The following ELMO1 variants were observed in gnomAD, a reference collection of about 807,000 sequenced individuals.
The protein encoded by ELMO1 is engulfment and cell motility 1.
ELMO1 carries 26 observed loss-of-function variants against 98.9 expected under a neutral mutation model. The observed-to-expected ratio is 0.26, with a 90% CI of 0.19 to 0.36. The LOEUF is 0.36. Among genes scored for constraint, ELMO1 ranks in the 10% least tolerant of loss-of-function variants. ELMO1 has a pLI of 1.00. For synonymous variants in ELMO1, 346 were observed against 346.0 expected, an observed-to-expected ratio of 1.00 and a Z score of 0.00; for missense variants, 627 against 935.2, an observed-to-expected ratio of 0.67 and a Z score of 4.30.
At chr7:36,996,266 T>G (rs1792202466) in intron 16 of ELMO1, among the ~76,000 whole-genome samples, 1 of 152,194 alleles carries the variant, frequency 6.6e-6, no homozygotes, top group South Asian at 2.1e-4. Flanking sequence ...ACTGAGTCCA[T>G]AAGACTGTTT....
chr7:37,153,241 T>G (rs1286706867), intron 13 of ELMO1, among the ~76,000 whole-genome samples: 1 of 152,182 alleles, frequency 6.6e-6, no homozygotes, highest in East Asian at 1.9e-4. Context: ...GGGTGATTTC[T>G]ACATTTCCAA....
intron 14 of ELMO1, among the ~76,000 whole-genome samples, chr7:37,122,663 T>C (rs1229244278): frequency 2.0e-5 from 3 of 152,160 alleles, no homozygotes; most frequent in East Asian, 1.9e-4. Flanking sequence ...CAAAGAGACT[T>C]AGACTCCCAC....
chr7:37,247,895 A>ATGTGTGTGTGTG lies in ELMO1; in HGVS notation c.414-3516_414-3505dup, dbSNP rs58502667. Among the ~76,000 whole-genome samples the ATGTGTGTGTGTG allele has an allele frequency of 7.1e-3, 1,039 of 146,626 alleles. 11 individuals are homozygous for ATGTGTGTGTGTG. Among genetic ancestry groups the ATGTGTGTGTGTG allele is most frequent in the East Asian group, 0.027 (133 of 4,876 alleles). Reference sequence around the variant, plus strand: ...AAGTTTAAAATGGTTTTGAAATAAAATGTGTGTGTGTGTGTGTGTGTGTGT... The same window carrying ATGTGTGTGTGTG: ...AAGTTTAAAATGGTTTTGAAATAAAATGTGTGTGTGTGTGTGTGTGTGTGTGTGTGTGTGTGT... On this transcript the variant is annotated intron_variant, in intron 6 of 21. Transcript: ENST00000310758.
chr7:37,403,803 C>A (rs1803632870), intron 1 of ELMO1, among the ~76,000 whole-genome samples: 1 of 152,172 alleles, frequency 6.6e-6, no homozygotes, highest in African/African-American at 2.4e-5. Flanking sequence ...ACCTCAGCCT[C>A]CCAAAGTGCT....
intron 13 of ELMO1, among the ~76,000 whole-genome samples, chr7:37,161,163 C>T (rs1789176957): frequency 6.6e-6 from 1 of 152,134 alleles, no homozygotes; most frequent in African/African-American, 2.4e-5. Flanking sequence ...TCAGCATTCT[C>T]CACTACATTC....
At chr7:36,918,560 G>C (rs945726271) in intron 16 of ELMO1, among the ~76,000 whole-genome samples, 5 of 152,138 alleles carry the variant, frequency 3.3e-5, no homozygotes, top group African/African-American at 1.2e-4. Flanking sequence ...CAGTGACAAT[G>C]TGTATCATCA....
chr7:36,929,261 T>C (rs540167079), intron 16 of ELMO1, among the ~76,000 whole-genome samples: 3 of 152,286 alleles, frequency 2.0e-5, no homozygotes, highest in Admixed American at 6.5e-5. Flanking sequence ...TTCATCCACA[T>C]AGAAGTGGGG....
intron 16 of ELMO1, among the ~76,000 whole-genome samples, chr7:36,921,285 C>T (rs1785133865): frequency 6.6e-6 from 1 of 152,226 alleles, no homozygotes; most frequent in South Asian, 2.1e-4. Flanking sequence ...CAAGAGCGGG[C>T]AGGCCCACTG....
intron 14 of ELMO1, among the ~76,000 whole-genome samples, chr7:37,114,130 C>A (rs1785415946): frequency 6.6e-6 from 1 of 152,204 alleles, no homozygotes; most frequent in African/African-American, 2.4e-5. Context: ...CTCTGAGTTA[C>A]TGGAGGTTGT....
intron 15 of ELMO1, among the ~76,000 whole-genome samples, chr7:37,089,887 C>CTAATGGG (rs1383566530): frequency 6.6e-6 from 1 of 152,200 alleles, no homozygotes; most frequent in Non-Finnish European, 1.5e-5. Context: ...GTATGTTATA[C>CTAATGGG]TAATGGGTAA....
chr7:36,855,825 A>G lies in ELMO1; in HGVS notation c.1984-74T>C. ...AGTATTAATAGTAAAAATAGCTAAC[A>G]GTGAATACTCATCCCTCAGTAGGCT... On this transcript the variant is annotated intron_variant, in intron 21 of 21. Transcript: ENST00000310758. This position sits in a 1 kb window ranked among gnomAD's most constrained non-coding sequence, Gnocchi z 4.2. The G allele has an allele frequency of 6.5e-7, 1 of 1,546,012 alleles. No individual in the cohort carries two copies. Among genetic ancestry groups the G allele is most frequent in the African/African-American group, 1.4e-5 (1 of 73,726 alleles).
intron 16 of ELMO1, among the ~76,000 whole-genome samples, chr7:36,991,019 C>T (rs910346398): frequency 6.6e-6 from 1 of 152,118 alleles, no homozygotes; most frequent in Non-Finnish European, 1.5e-5. Flanking sequence ...TGGATGCTTC[C>T]ACTGAGTATC....
intron 13 of ELMO1, among the ~76,000 whole-genome samples, chr7:37,201,276 T>A (rs1026573081): frequency 3.3e-5 from 5 of 152,206 alleles, no homozygotes; most frequent in African/African-American, 1.2e-4. Flanking sequence ...GTTATTACTG[T>A]CACATATTTT....
chr7:37,325,393 T>C (rs1799746771), intron 2 of ELMO1, among the ~76,000 whole-genome samples: 1 of 152,200 alleles, frequency 6.6e-6, no homozygotes, highest in South Asian at 2.1e-4. Flanking sequence ...GTTTCCAGAC[T>C]TTTAGATTCT....
chr7:37,432,687 T>C (rs1804980784), intron 1 of ELMO1, among the ~76,000 whole-genome samples: 1 of 152,190 alleles, frequency 6.6e-6, no homozygotes, highest in South Asian at 2.1e-4. Context: ...ACACATGTGG[T>C]AAAAATCCCA....
intron 15 of ELMO1, among the ~76,000 whole-genome samples, chr7:37,035,899 T>C (rs1430907839): frequency 1.3e-5 from 2 of 152,220 alleles, no homozygotes; most frequent in African/African-American, 2.4e-5. Context: ...ATGAAACCAT[T>C]AGTCATACAG....
At chr7:37,198,145 A>T (rs1584796744) in intron 13 of ELMO1, among the ~76,000 whole-genome samples, 1 of 152,288 alleles carries the variant, frequency 6.6e-6, no homozygotes, top group Admixed American at 6.5e-5. Context: ...TTCCTTCACT[A>T]AAGAGGCTCT....
chr7:36,991,086 AC>A (rs1791843481), intron 16 of ELMO1, among the ~76,000 whole-genome samples: 1 of 152,184 alleles, frequency 6.6e-6, no homozygotes, highest in Admixed American at 6.5e-5. Context: ...AATGGTCTCT[AC>A]AGTTTACGAC....
chr7:37,152,055 T>C (rs1028874751), intron 13 of ELMO1, among the ~76,000 whole-genome samples: 1 of 152,226 alleles, frequency 6.6e-6, no homozygotes, highest in African/African-American at 2.4e-5. Flanking sequence ...TTGGAAATGT[T>C]AGGTAAATAG....
Sources: allele counts gnomAD v4.1 joint callset (sites outside exome capture counted in the v4.1 genomes callset), GRCh38; gene constraint gnomAD v4.1.1; non-coding constraint Gnocchi (gnomAD v3.1); transcripts MANE v1.5; gene names NCBI Gene and HGNC (gene_info 2026-07-23, HGNC 2026-07-21).